Variants in CECR2 observed in about 807,000 individuals in gnomAD.
CECR2 encodes CECR2 histone acetyl-lysine reader.
Under a neutral mutation model 154.5 loss-of-function variants are expected in CECR2, and 30 were observed. The observed-to-expected ratio is 0.19, with a 90% CI of 0.15 to 0.26. CECR2 has a LOEUF of 0.26. Ranked by LOEUF, CECR2 falls within the 10% of genes least tolerant of loss-of-function variation. The pLI, the probability that CECR2 is intolerant of heterozygous loss-of-function variation, is 1.00. For missense variants in CECR2, 1,743 were observed against 1,829.3 expected (o/e 0.95, Z 0.86); for synonymous variants, 725 against 683.7 (o/e 1.06, Z -0.94).
chr22:17,539,237 G>A lies in CECR2; in HGVS notation c.1495+118G>A. ...GTAGGACAGTGAACAGAATGTGTAT[G>A]AAAAGTCATGGGATTGACCATTCCA... On this transcript the variant is annotated intron_variant, in intron 13 of 18. Transcript: ENST00000262608. 4.2e-6 allele frequency: 5 copies of A among 1,177,498 alleles called. No homozygotes were observed. The South Asian group carries it at 5.7e-5, about 13-fold the overall frequency. 72.9% of individuals were successfully genotyped at this position (1,177,498 alleles called of 1,614,324 possible).
intron 8 of CECR2, among the ~76,000 whole-genome samples, chr22:17,522,603 C>T (rs985921506): frequency 1.3e-5 from 2 of 152,144 alleles, no homozygotes; most frequent in Admixed American, 6.6e-5. Flanking sequence ...ACAGTGTTAA[C>T]GTATGCAGTT....
intron 1 of CECR2, chr22:17,476,995 C>A: frequency 1.6e-6 from 1 of 620,298 alleles, no homozygotes; most frequent in Non-Finnish European, 3.0e-6. Flanking sequence ...TTACCTCATT[C>A]TGTTTAGATG....
intron 1 of CECR2, among the ~76,000 whole-genome samples, chr22:17,378,074 C>T (rs534745070): frequency 1.3e-5 from 2 of 151,774 alleles, no homozygotes; most frequent in African/African-American, 4.8e-5. Context: ...ACCTCCGCCC[C>T]CCGGGTTCAC....
intron 6 of CECR2, among the ~76,000 whole-genome samples, chr22:17,504,584 C>T (rs2055801407): frequency 6.6e-6 from 1 of 151,646 alleles, no homozygotes; most frequent in Non-Finnish European, 1.5e-5. Context: ...TCACAGGCGC[C>T]CGCCACCGCG....
intron 17 of CECR2, 46 bp downstream of exon 17, chr22:17,549,610 T>A: frequency 7.1e-7 from 1 of 1,404,478 alleles, no homozygotes; most frequent in Non-Finnish European, 9.6e-7. Flanking sequence ...GAACAGATGT[T>A]TATTTTATGT....
chr22:17,459,537 T>G (rs1393120547), intron 1 of CECR2, among the ~76,000 whole-genome samples: 1 of 152,010 alleles, frequency 6.6e-6, no homozygotes, highest in African/African-American at 2.4e-5. Flanking sequence ...GGTCTTGAAC[T>G]CCTGAGTTCA....
intron 2 of CECR2, among the ~76,000 whole-genome samples, chr22:17,484,865 G>A (rs556663701): frequency 6.6e-6 from 1 of 152,318 alleles, no homozygotes; most frequent in South Asian, 2.1e-4. Context: ...GCGACAGAGC[G>A]AAAGTGTGTC....
At chr22:17,519,659 ATAAG>A (rs1282473823) in intron 8 of CECR2, among the ~76,000 whole-genome samples, 15 of 152,220 alleles carry the variant, frequency 9.9e-5, no homozygotes, top group African/African-American at 3.6e-4. Context: ...ATTAAGAATA[ATAAG>A]TCATACTCAT....
chr22:17,374,898 A>G (rs2063099661), intron 1 of CECR2, among the ~76,000 whole-genome samples: 1 of 152,026 alleles, frequency 6.6e-6, no homozygotes, highest in Non-Finnish European at 1.5e-5. Context: ...AGGTTCTTTG[A>G]GGCCAAATTC....
At chr22:17,533,862 A>G (rs1337659380) in intron 9 of CECR2, among the ~76,000 whole-genome samples, 1 of 151,462 alleles carries the variant, frequency 6.6e-6, no homozygotes, top group Non-Finnish European at 1.5e-5. Flanking sequence ...GATTACAGGC[A>G]TGCACCACCA....
At chr22:17,447,389 G>C (rs746356950) in intron 1 of CECR2, among the ~76,000 whole-genome samples, 2 of 151,872 alleles carry the variant, frequency 1.3e-5, no homozygotes, top group Non-Finnish European at 2.9e-5. Flanking sequence ...TCCTGACCTC[G>C]TGATCCACCC....
At chr22:17,464,698 C>T (rs2054998031) in intron 1 of CECR2, among the ~76,000 whole-genome samples, 1 of 152,024 alleles carries the variant, frequency 6.6e-6, no homozygotes, top group South Asian at 2.1e-4. Context: ...GATGAGATCT[C>T]ACAAAGTTGC....
At chr22:17,445,569 T>C (rs1347100979) in intron 1 of CECR2, among the ~76,000 whole-genome samples, 1 of 147,760 alleles carries the variant, frequency 6.8e-6, no homozygotes, top group African/African-American at 2.5e-5. Context: ...TTATTATTAT[T>C]ATTATTATTA....
At chr22:17,459,979 G>C (rs1391239299) in intron 1 of CECR2, among the ~76,000 whole-genome samples, 1 of 152,162 alleles carries the variant, frequency 6.6e-6, no homozygotes, top group Non-Finnish European at 1.5e-5. Context: ...GTTTCTCAGG[G>C]TATTTATTCT....
intron 1 of CECR2, among the ~76,000 whole-genome samples, chr22:17,447,277 C>G (rs981465115): frequency 6.6e-6 from 1 of 151,846 alleles, no homozygotes; most frequent in Non-Finnish European, 1.5e-5. Context: ...CTCAGCCTCC[C>G]GAGTAGCTGG....
chr22:17,381,862 AGCTAGGTC>A (rs2063195050), intron 1 of CECR2, among the ~76,000 whole-genome samples: 1 of 151,434 alleles, frequency 6.6e-6, no homozygotes, highest in Admixed American at 6.6e-5. Context: ...CAGTGTAGTT[AGCTAGGTC>A]AGAGAGCCCC....
At chr22:17,484,934 G>A (rs542793494) in intron 2 of CECR2, among the ~76,000 whole-genome samples, 3 of 152,298 alleles carry the variant, frequency 2.0e-5, no homozygotes, top group African/African-American at 7.2e-5. Context: ...TCCGACTCCT[G>A]TATTTAGGAA....
intron 8 of CECR2, among the ~76,000 whole-genome samples, chr22:17,516,077 T>C (rs1228634841): frequency 6.6e-6 from 1 of 152,186 alleles, no homozygotes; most frequent in Non-Finnish European, 1.5e-5. Flanking sequence ...ATTATATATG[T>C]ATGTGACTTC....
intron 1 of CECR2, among the ~76,000 whole-genome samples, chr22:17,403,987 C>T (rs1363444280): frequency 6.8e-6 from 1 of 146,232 alleles, no homozygotes; most frequent in Non-Finnish European, 1.5e-5. Flanking sequence ...TGGCCGGGCA[C>T]AGTGGCTCAC....
Sources: gnomAD v4.1 joint callset for allele counts (sites outside exome capture counted in the v4.1 genomes callset) on GRCh38, gnomAD v4.1.1 for gene constraint, MANE v1.5 for transcripts, NCBI Gene and HGNC (gene_info 2026-07-23, HGNC 2026-07-21) for gene names.